The following FHIP1A variants were observed in gnomAD, a reference collection of about 807,000 sequenced individuals.
FHIP1A encodes the protein FHF complex subunit HOOK interacting protein 1A, also known as FHF complex subunit HOOK-interacting protein 1A.
A neutral mutation model predicts 88.6 loss-of-function variants in FHIP1A; 61 were observed. The observed-to-expected ratio is 0.69, with a 90% CI of 0.56 to 0.85. The LOEUF is 0.85. Ranked by LOEUF, FHIP1A falls within the 40% of genes least tolerant of loss-of-function variation. The probability of loss-of-function intolerance (pLI) is 0.00; values close to 1 mark genes in which losing one functional copy is unlikely to be tolerated. For synonymous variants in FHIP1A, 478 were observed against 496.0 expected, an observed-to-expected ratio of 0.96 and a Z score of 0.48; for missense variants, 1,154 against 1,273.5, an observed-to-expected ratio of 0.91 and a Z score of 1.43.
chr4:151,635,169 A>G (rs1736303058), intron 8 of FHIP1A, among the ~76,000 whole-genome samples: 1 of 151,884 alleles, frequency 6.6e-6, no homozygotes, highest in Non-Finnish European at 1.5e-5. Context: ...CAAAACCACA[A>G]TGAGATATTA....
At chr4:151,566,948 T>C (rs1233027405) in intron 4 of FHIP1A, among the ~76,000 whole-genome samples, 1 of 152,196 alleles carries the variant, frequency 6.6e-6, no homozygotes, top group Non-Finnish European at 1.5e-5. Flanking sequence ...GTGCCTTGAC[T>C]CCAAAGCTCG....
intron 10 of FHIP1A, 77 bp from the exon 11 acceptor site, chr4:151,649,382 C>A: frequency 1.9e-6 from 2 of 1,045,952 alleles, no homozygotes; most frequent in Admixed American, 2.5e-5. Flanking sequence ...AGTCTTAGCC[C>A]GAATGGGTCA....
At chr4:151,540,091 T>A (rs1162374820) in intron 3 of FHIP1A, among the ~76,000 whole-genome samples, 1 of 152,242 alleles carries the variant, frequency 6.6e-6, no homozygotes, top group Non-Finnish European at 1.5e-5. Context: ...GAAATAGCCT[T>A]GGCCTATGTG....
At chr4:151,457,874 G>A (rs564211189) in intron 2 of FHIP1A, among the ~76,000 whole-genome samples, 43 of 152,186 alleles carry the variant, frequency 2.8e-4, no homozygotes, top group African/African-American at 9.6e-4. Flanking sequence ...ATCTCCAAAG[G>A]TAATTAAAAT....
At chr4:151,420,622 A>G (rs1032948410) in intron 1 of FHIP1A, among the ~76,000 whole-genome samples, 3 of 152,222 alleles carry the variant, frequency 2.0e-5, no homozygotes, top group Non-Finnish European at 4.4e-5. Flanking sequence ...ATTTGCTGCC[A>G]TCCAGTGTTA....
At chr4:151,546,784 AAGG>A (rs765887773) in intron 3 of FHIP1A, among the ~76,000 whole-genome samples, 36 of 152,358 alleles carry the variant, frequency 2.4e-4, no homozygotes, top group Middle Eastern at 3.4e-3. Flanking sequence ...CATGTTAAAG[AAGG>A]AGAACCATGA....
intron 1 of FHIP1A, chr4:151,436,355 T>C (rs893097073): frequency 6.6e-6 from 1 of 152,170 alleles, no homozygotes; most frequent in African/African-American, 2.4e-5. Flanking sequence ...AATAGTTCTT[T>C]CTTTGAGCAA....
chr4:151,598,064 C>A (rs1393846524), intron 7 of FHIP1A, among the ~76,000 whole-genome samples: 2 of 151,842 alleles, frequency 1.3e-5, no homozygotes, highest in Admixed American at 1.3e-4. Flanking sequence ...GCCTTCCAGG[C>A]GCCACTGGGG....
At chr4:151,441,920 T>C (rs1728426575) in intron 1 of FHIP1A, among the ~76,000 whole-genome samples, 1 of 152,202 alleles carries the variant, frequency 6.6e-6, no homozygotes, top group Non-Finnish European at 1.5e-5. Flanking sequence ...TTGTTCATTT[T>C]CTTTCCAAAT....
chr4:151,552,351 A>G (rs1208495452), intron 3 of FHIP1A, among the ~76,000 whole-genome samples: 1 of 152,226 alleles, frequency 6.6e-6, no homozygotes, highest in African/African-American at 2.4e-5. Context: ...ATTATAAATC[A>G]TGCTACTATA....
intron 7 of FHIP1A, among the ~76,000 whole-genome samples, chr4:151,616,208 A>G (rs563663491): frequency 1.3e-5 from 2 of 152,196 alleles, no homozygotes; most frequent in Non-Finnish European, 2.9e-5. Context: ...TAATTGAGGT[A>G]TAAAGGGCTC....
chr4:151,666,358 G>A lies in FHIP1A; in HGVS notation c.*3604G>A, dbSNP rs1240103948. ...CCCCATTTTGTGGAGTATCATTTTG[G>A]AAAATGCTTTGATGTGCTCGGGTTG... On this transcript the variant is annotated 3_prime_UTR_variant, in exon 14 of 14. Coordinates refer to ENST00000435205, the MANE Select transcript of FHIP1A (RefSeq NM_001109977.3). Among the ~76,000 whole-genome samples, 1 of 152,146 alleles carries A rather than the reference G, an allele frequency of 6.6e-6. No homozygotes were observed. Among genetic ancestry groups the A allele is most frequent in the Non-Finnish European group, 1.5e-5 (1 of 68,030 alleles).
intron 7 of FHIP1A, among the ~76,000 whole-genome samples, chr4:151,594,054 G>A (rs2126817050): frequency 6.6e-6 from 1 of 152,266 alleles, no homozygotes; most frequent in East Asian, 1.9e-4. Context: ...TTTATGCGAT[G>A]GATTAGGTTT....
Position 151,649,817 on chromosome 4 carries a change from C to T in FHIP1A, c.1776C>T (p.Asp592=), listed in dbSNP as rs534754196. Residue 592 remains aspartate (D), a synonymous_variant, in exon 11 of 14, where the codon GAC becomes GAT. Transcript: ENST00000435205. ...SYDTGISSGA[D]VGSPGPYDDL... is the part of the protein sequence containing the mutation. ...ACACTGGAATCTCCTCAGGGGCTGA[C>T]GTGGGCTCCCCAGGGCCTTATGATG... 5.8e-6 allele frequency: 9 copies of T among 1,551,552 alleles called. No individual in the cohort carries two copies. Among genetic ancestry groups the T allele is most frequent in the Admixed American group, 2.0e-5 (1 of 50,988 alleles).
chr4:151,438,303 C>T (rs879418516), intron 1 of FHIP1A, among the ~76,000 whole-genome samples: 1 of 152,022 alleles, frequency 6.6e-6, no homozygotes, highest in Non-Finnish European at 1.5e-5. Flanking sequence ...GAGATGTTTG[C>T]GTTCTCAGGA....
intron 3 of FHIP1A, among the ~76,000 whole-genome samples, chr4:151,487,352 A>T (rs1260588306): frequency 6.6e-6 from 1 of 151,862 alleles, no homozygotes; most frequent in African/African-American, 2.4e-5. Flanking sequence ...CCTTGGATTT[A>T]GGAAATTTCC....
At chr4:151,623,746 T>C (rs1048917533) in intron 7 of FHIP1A, among the ~76,000 whole-genome samples, 2 of 152,224 alleles carry the variant, frequency 1.3e-5, no homozygotes, top group Non-Finnish European at 2.9e-5. Context: ...AGGTAATAAA[T>C]GTTAGGATTT....
chr4:151,518,382 C>T (rs1731325550), intron 3 of FHIP1A, among the ~76,000 whole-genome samples: 1 of 152,018 alleles, frequency 6.6e-6, no homozygotes, highest in African/African-American at 2.4e-5. Flanking sequence ...GATATTTTCA[C>T]AATGACAAAA....
At position 151,649,953 on chromosome 4, in the gene FHIP1A, T is replaced by A; in HGVS notation, c.1912T>A (p.Phe638Ile). Residue 638 changes from phenylalanine (F) to isoleucine (I), a missense_variant, in exon 11 of 14, where the codon TTT becomes ATT. By Grantham distance (21) the Phe-to-Ile change is conservative. Coordinates refer to ENST00000435205, the MANE Select transcript of FHIP1A (RefSeq NM_001109977.3). ...FKGSYIEESD[F>I]QDDVMVYRLC... ...AGGGTCCTACATAGAAGAGTCGGAC[T>A]TTCAGGATGATGTGATGGTGTACAG... 1.3e-6 allele frequency: 2 copies of A among 1,551,508 alleles called. No homozygotes were observed. Among genetic ancestry groups the A allele is most frequent in the Non-Finnish European group, 1.7e-6 (2 of 1,146,946 alleles).
Sources: gnomAD v4.1 joint callset for allele counts (sites outside exome capture counted in the v4.1 genomes callset) on GRCh38, gnomAD v4.1.1 for gene constraint, MANE v1.5 for transcripts, NCBI Gene and HGNC (gene_info 2026-07-23, HGNC 2026-07-21) for gene names.